FMN1: variants seen among roughly 807,000 people sequenced by gnomAD.
The protein encoded by FMN1 is formin-1.
A neutral mutation model predicts 132.4 loss-of-function variants in FMN1; 110 were observed. That is an observed-to-expected ratio of 0.83 (90% confidence interval 0.71 to 0.97). The LOEUF (loss-of-function observed/expected upper bound fraction) is 0.97, where lower values mean the gene tolerates loss of function less well. Ranked by LOEUF, FMN1 falls within the 50% of genes least tolerant of loss-of-function variation. FMN1 has a pLI of 0.00. For synonymous variants in FMN1, 722 were observed against 651.7 expected (o/e 1.11, Z -1.64); for missense variants, 1,792 against 1,705.3 (o/e 1.05, Z -0.90).
rs1372745525 is a variant in FMN1, at chr15:33,182,897, C to T, written c.-196-2635G>A. On this transcript the variant is annotated intron_variant, in intron 2 of 20. Coordinates refer to ENST00000616417, the MANE Select transcript of FMN1 (RefSeq NM_001277313.2). The stretch of plus-strand genomic sequence containing the variant: ...GCAGGGATTATGATAAACATTTTGC[C>T]TGAATTATTTCATTTAATTTCCCCA... 4.6e-5 allele frequency among the ~76,000 whole-genome samples: 7 copies of T among 152,172 alleles called. No individual in the cohort carries two copies. The East Asian group carries it at 9.6e-4, about 21-fold the overall frequency.
At chr15:32,854,935 A>C (rs1043667313) in intron 17 of FMN1, among the ~76,000 whole-genome samples, 26 of 151,790 alleles carry the variant, frequency 1.7e-4, no homozygotes, top group Admixed American at 1.7e-3. Context: ...ACAAAAAACA[A>C]ACAAAAAAAA....
At chr15:32,999,406 T>C (rs1362861653) in intron 7 of FMN1, among the ~76,000 whole-genome samples, 1 of 152,250 alleles carries the variant, frequency 6.6e-6, no homozygotes, top group Non-Finnish European at 1.5e-5. Context: ...ATGAGTGGAA[T>C]GTGTTGGCCA....
intron 4 of FMN1, among the ~76,000 whole-genome samples, chr15:33,098,963 T>A (rs1010760590): frequency 6.6e-6 from 1 of 152,140 alleles, no homozygotes; most frequent in African/African-American, 2.4e-5. Flanking sequence ...TCAGTTATTT[T>A]CATTTTAAAC....
At chr15:32,953,723 C>T (rs927319364) in intron 9 of FMN1, among the ~76,000 whole-genome samples, 2 of 152,128 alleles carry the variant, frequency 1.3e-5, no homozygotes, top group Non-Finnish European at 2.9e-5. Context: ...TGGTGGAGGG[C>T]CACCCCAGCA....
chr15:32,996,981 A>T (rs932942181), intron 7 of FMN1, among the ~76,000 whole-genome samples: 2 of 152,222 alleles, frequency 1.3e-5, no homozygotes, highest in African/African-American at 4.8e-5. Context: ...CAAAAATCGT[A>T]ACGAAGAAGT....
intron 9 of FMN1, among the ~76,000 whole-genome samples, chr15:32,932,877 T>C (rs566176398): frequency 3.0e-4 from 45 of 152,304 alleles, no homozygotes; most frequent in African/African-American, 1.1e-3. Context: ...TTGTGTTTTC[T>C]TTTTCTCCTT....
chr15:33,110,198 T>G (rs1204420421), intron 4 of FMN1, among the ~76,000 whole-genome samples: 2 of 152,082 alleles, frequency 1.3e-5, no homozygotes, highest in African/African-American at 4.8e-5. Context: ...CCTGTCAGAT[T>G]ATTAGGACAC....
chr15:33,046,790 C>T lies in FMN1; in HGVS notation c.2161+18167G>A, dbSNP rs1408694289. Among the ~76,000 whole-genome samples, 8 of 152,306 alleles carry T rather than the reference C, an allele frequency of 5.3e-5. No individual in the cohort carries two copies. In the East Asian group the frequency reaches 1.5e-3, roughly 29 times the overall value. ...AACTGGTTGAATGAATGGTAAAAAT[C>T]ACTGTTTATCCCCTGTAAACTTTTG... On this transcript the variant is annotated intron_variant, in intron 6 of 20. Coordinates refer to ENST00000616417, the MANE Select transcript of FMN1 (RefSeq NM_001277313.2).
intron 9 of FMN1, among the ~76,000 whole-genome samples, chr15:32,962,399 AC>A (rs989500076): frequency 2.0e-5 from 3 of 151,858 alleles, no homozygotes; most frequent in Non-Finnish European, 2.9e-5. Context: ...CTAGAAGAAA[AC>A]CTAGGCATTA....
intron 19 of FMN1, among the ~76,000 whole-genome samples, chr15:32,795,284 C>T (rs1300019577): frequency 6.6e-6 from 1 of 152,132 alleles, no homozygotes; most frequent in Non-Finnish European, 1.5e-5. Context: ...TTCAAGAGGG[C>T]AATGAAAATT....
At position 33,154,199 on chromosome 15, in the gene FMN1, T is replaced by C. The variant is rs1489586415; in HGVS notation, c.716A>G (p.Asp239Gly). 1 of 1,536,318 alleles carries C rather than the reference T, an allele frequency of 6.5e-7. No individual in the cohort carries two copies. Among genetic ancestry groups the C allele is most frequent in the Non-Finnish European group, 8.7e-7 (1 of 1,146,958 alleles). Residue 239 changes from aspartate to glycine, a missense_variant, in exon 4 of 21, where the codon GAT becomes GGT. Asp to Gly is a moderately conservative substitution (Grantham distance 94). Transcript: ENST00000616417. ...GTCTGTGTCTGGCGTCTTGGGAATA[T>C]CTGGGGGGCAGCTCTCTCTCCTCTG... ...SLQRRESCPP[D>G]IPKTPDTDLG...
At chr15:33,073,729 CTTGTTT>C (rs2038088119) in intron 5 of FMN1, among the ~76,000 whole-genome samples, 2 of 147,526 alleles carry the variant, frequency 1.4e-5, no homozygotes, top group Admixed American at 1.3e-4. Flanking sequence ...ATTTACCTAG[CTTGTTT>C]TTTTTTTTTT....
At chr15:33,185,877 G>T (rs1595614296) in intron 2 of FMN1, among the ~76,000 whole-genome samples, 1 of 152,200 alleles carries the variant, frequency 6.6e-6, no homozygotes, top group East Asian at 1.9e-4. Flanking sequence ...TAGTCAGGAA[G>T]AAGTTTTTTA....
At chr15:32,775,714 T>C (rs2056394933) in intron 20 of FMN1, among the ~76,000 whole-genome samples, 1 of 152,202 alleles carries the variant, frequency 6.6e-6, no homozygotes, top group African/African-American at 2.4e-5. Context: ...TCATGCAACA[T>C]TCATTTAGCT....
intron 4 of FMN1, among the ~76,000 whole-genome samples, chr15:33,092,195 G>A (rs1385302444): frequency 6.6e-6 from 1 of 152,158 alleles, no homozygotes; most frequent in Non-Finnish European, 1.5e-5. Context: ...TGCACTTCCT[G>A]ATGCTAACCT....
intron 6 of FMN1, among the ~76,000 whole-genome samples, chr15:33,035,031 C>CT (rs1464792081): frequency 3.3e-5 from 5 of 152,198 alleles, no homozygotes; most frequent in Non-Finnish European, 7.3e-5. Context: ...CTACGGACCC[C>CT]TTTCTCAGAA....
intron 17 of FMN1, among the ~76,000 whole-genome samples, chr15:32,855,453 A>T (rs1185681965): frequency 1.2e-4 from 18 of 152,214 alleles, no homozygotes; most frequent in Admixed American, 1.2e-3. Context: ...AGAAGAGGCT[A>T]ACACATTATC....
intron 3 of FMN1, among the ~76,000 whole-genome samples, chr15:33,166,871 G>C (rs1475784290): frequency 6.6e-6 from 1 of 152,158 alleles, no homozygotes; most frequent in Non-Finnish European, 1.5e-5. Context: ...ACCCAGCAAG[G>C]GAAGCACTGG....
chr15:32,798,543 C>T (rs1350969226), intron 19 of FMN1, among the ~76,000 whole-genome samples: 1 of 152,186 alleles, frequency 6.6e-6, no homozygotes, highest in Non-Finnish European at 1.5e-5. Flanking sequence ...ATTAGCACAA[C>T]CCTCCTTTCA....
Sources: allele counts gnomAD v4.1 joint callset (sites outside exome capture counted in the v4.1 genomes callset), GRCh38; gene constraint gnomAD v4.1.1; transcripts MANE v1.5; gene names NCBI Gene and HGNC (gene_info 2026-07-23, HGNC 2026-07-21).